SBSPON: variants seen among roughly 807,000 people sequenced by gnomAD.
SBSPON encodes the protein somatomedin-B and thrombospondin type-1 domain-containing protein.
Under a neutral mutation model 35.8 loss-of-function variants are expected in SBSPON, and 30 were observed. That is an observed-to-expected ratio of 0.84 (90% confidence interval 0.63 to 1.14). The LOEUF is 1.14. Ranked by LOEUF, SBSPON falls within the 50% of genes most tolerant of loss-of-function variation. The pLI, the probability that SBSPON is intolerant of heterozygous loss-of-function variation, is 0.00. For synonymous variants in SBSPON, 136 were observed against 135.9 expected (o/e 1.00, Z 0.00); for missense variants, 364 against 357.7 (o/e 1.02, Z -0.14).
intron 4 of SBSPON, among the ~76,000 whole-genome samples, chr8:73,068,211 T>G (rs1810429676): frequency 6.6e-6 from 1 of 152,182 alleles, no homozygotes; most frequent in Non-Finnish European, 1.5e-5. Context: ...CAAATTAAAT[T>G]ATAAATTCAT....
At chr8:73,084,526 T>G (rs1196728877) in intron 1 of SBSPON, among the ~76,000 whole-genome samples, 1 of 152,092 alleles carries the variant, frequency 6.6e-6, no homozygotes, top group Admixed American at 6.5e-5. Flanking sequence ...CCCGCCCACC[T>G]CTGCTCCAAG....
intron 4 of SBSPON, 68 bp downstream of exon 4, chr8:73,069,737 G>T: frequency 7.6e-7 from 1 of 1,313,124 alleles, no homozygotes; most frequent in Non-Finnish European, 1.1e-6. Context: ...CAGCTGTCTG[G>T]ACATGGAGAG....
chr8:73,065,448 AT>A lies in SBSPON; in HGVS notation c.*1892del, dbSNP rs778270498. 6.6e-6 allele frequency: 1 copy of A among 152,130 alleles called. No homozygotes were observed. The highest frequency in any genetic ancestry group is 1.5e-5 in the Non-Finnish European group (1 of 68,022). 9.4% of individuals were successfully genotyped at this position (152,130 alleles called of 1,614,324 possible). ...TCAAACAAATATAGAGCTTTTATAAATGTGAACAAAAAGTTTATTTACTAGT... is the reference window on the plus strand; with the variant it reads ...TCAAACAAATATAGAGCTTTTATAAAGTGAACAAAAAGTTTATTTACTAGT... On this transcript the variant is annotated 3_prime_UTR_variant, in exon 5 of 5. Coordinates refer to ENST00000297354, the MANE Select transcript of SBSPON (RefSeq NM_153225.4).
In SBSPON at chr8:73,069,846, A is replaced by G; in HGVS notation, c.636T>C (p.Ser212=). 1.7e-5 allele frequency: 28 copies of G among 1,614,160 alleles called. No homozygotes were observed. The highest frequency in any genetic ancestry group is 2.2e-5 in the Non-Finnish European group (26 of 1,179,966). ...CATCTCCAGAACAACGAAGGCTCACAGAGTTCATAGCTGGAGGCTGACAAT... is the reference window on the plus strand; with the variant it reads ...CATCTCCAGAACAACGAAGGCTCACGGAGTTCATAGCTGGAGGCTGACAAT... The part of the protein sequence containing the change: ...CVDCQPPAMN[S]VSLRCSGDGL... The change falls in exon 4 of 5, where the codon TCT becomes TCC. Residue 212 remains serine, a synonymous_variant. Transcript: ENST00000297354.
chr8:73,091,547 A>G (rs1476917238), intron 1 of SBSPON, among the ~76,000 whole-genome samples: 1 of 152,152 alleles, frequency 6.6e-6, no homozygotes, highest in Non-Finnish European at 1.5e-5. Flanking sequence ...TGAGTTATGC[A>G]GGGAAATGAG....
chr8:73,092,217 T>C (rs1810948674), intron 1 of SBSPON, among the ~76,000 whole-genome samples: 1 of 152,212 alleles, frequency 6.6e-6, no homozygotes, highest in Admixed American at 6.5e-5. Context: ...GATAAAATCC[T>C]TGTCATGCTG....
intron 2 of SBSPON, among the ~76,000 whole-genome samples, chr8:73,080,817 G>A (rs1340094133): frequency 2.0e-5 from 3 of 152,170 alleles, no homozygotes; most frequent in Non-Finnish European, 2.9e-5. Flanking sequence ...GGGAAGTGAG[G>A]GAAAGGGAGG....
chr8:73,075,410 C>T (rs1810575226), intron 2 of SBSPON, among the ~76,000 whole-genome samples: 2 of 152,208 alleles, frequency 1.3e-5, no homozygotes, highest in Non-Finnish European at 2.9e-5. Context: ...AATGAAATAA[C>T]TTAGAAATTA....
At position 73,067,305 on chromosome 8, in the gene SBSPON, G is replaced by T; in HGVS notation, c.*36C>A. ...AACATGACTTGAGAATATTTAGAAT[G>T]TTTACAAATGCATTTGGAAATATTT... is the stretch of plus-strand genomic sequence containing the variant. On this transcript the variant is annotated 3_prime_UTR_variant, in exon 5 of 5. Coordinates refer to ENST00000297354, the MANE Select transcript of SBSPON (RefSeq NM_153225.4). 1 of 1,202,640 alleles carries T rather than the reference G, an allele frequency of 8.3e-7. No individual in the cohort carries two copies. The highest frequency in any genetic ancestry group is 1.2e-6 in the Non-Finnish European group (1 of 807,632). 74.5% of individuals were successfully genotyped at this position (1,202,640 alleles called of 1,614,324 possible).
intron 1 of SBSPON, among the ~76,000 whole-genome samples, chr8:73,089,101 G>A (rs1652429704): frequency 6.6e-6 from 1 of 152,192 alleles, no homozygotes; most frequent in South Asian, 2.1e-4. Flanking sequence ...TAATATTTTT[G>A]AGGCAAAATA....
chr8:73,076,412 C>T (rs1586093233), intron 2 of SBSPON, among the ~76,000 whole-genome samples: 2 of 152,164 alleles, frequency 1.3e-5, no homozygotes, highest in African/African-American at 2.4e-5. Flanking sequence ...TCCAGGTGGA[C>T]CCAATGTAAT....
In SBSPON at chr8:73,066,643, G is replaced by C. The variant is rs1810391738; in HGVS notation, c.*698C>G. The C allele has an allele frequency of 6.6e-6, 1 of 152,054 alleles. No homozygotes were observed. The highest frequency in any genetic ancestry group is 1.5e-5 in the Non-Finnish European group (1 of 68,002). 9.4% of individuals were successfully genotyped at this position (152,054 alleles called of 1,614,324 possible). On this transcript the variant is annotated 3_prime_UTR_variant, in exon 5 of 5. Coordinates refer to ENST00000297354, the MANE Select transcript of SBSPON (RefSeq NM_153225.4). ...GAAAGCAATTGTTTCATTCACTGGT[G>C]TCAACATTTCTTTTCATGAAAATTA...
intron 2 of SBSPON, among the ~76,000 whole-genome samples, chr8:73,076,720 G>A (rs1383626688): frequency 2.6e-5 from 4 of 151,966 alleles, no homozygotes; most frequent in Non-Finnish European, 5.9e-5. Flanking sequence ...TAGCTATGAG[G>A]ATGGAGGACG....
intron 2 of SBSPON, among the ~76,000 whole-genome samples, chr8:73,078,446 T>C (rs1810634596): frequency 6.6e-6 from 1 of 152,168 alleles, no homozygotes; most frequent in South Asian, 2.1e-4. Flanking sequence ...AAGGAGGCTG[T>C]TCAGTACAGA....
chr8:73,069,747 G>A, intron 4 of SBSPON, 58 bp downstream of exon 4: 4 of 1,407,654 alleles, frequency 2.8e-6, no homozygotes, highest in Non-Finnish European at 4.0e-6. Flanking sequence ...GACATGGAGA[G>A]GACAGATTTC....
In SBSPON at chr8:73,092,839, G is replaced by C; in HGVS notation, c.214+15C>G. On this transcript the variant is annotated intron_variant, in intron 1 of 4. Coordinates refer to ENST00000297354, the MANE Select transcript of SBSPON (RefSeq NM_153225.4). ...GGCTAACGGCCGGCGCCCCACTCTC[G>C]GCCTGACCACCCACCTGGGCACGCC... 2 of 1,604,778 alleles carry C rather than the reference G, an allele frequency of 1.2e-6. No homozygotes were observed. Among genetic ancestry groups the C allele is most frequent in the African/African-American group, 1.3e-5 (1 of 74,540 alleles).
intron 1 of SBSPON, among the ~76,000 whole-genome samples, chr8:73,082,693 G>A (rs185410782): frequency 2.7e-4 from 41 of 152,278 alleles, no homozygotes; most frequent in African/African-American, 9.1e-4. Context: ...GTCACTTCCT[G>A]CTTTTGTTGG....
chr8:73,093,026 C>A lies in SBSPON; in HGVS notation c.42G>T (p.Leu14=). The A allele has an allele frequency of 7.2e-7, 1 of 1,392,218 alleles. No individual in the cohort carries two copies. The highest frequency in any genetic ancestry group is 9.3e-7 in the Non-Finnish European group (1 of 1,079,558). The allele number at this position is 1,392,218 out of a possible 1,614,324, so 86.2% of individuals were successfully genotyped here. The change falls in exon 1 of 5, where the codon CTG becomes CTT. Residue 14 remains leucine (L), a synonymous_variant. Coordinates refer to ENST00000297354, the MANE Select transcript of SBSPON (RefSeq NM_153225.4). The part of the protein sequence containing the change: ...LWMALCALSR[L]WPGAQAGCAE... ...CGCAGCCGGCCTGGGCCCCGGGCCACAGCCGCGACAGCGCGCACAGCGCCA... is the reference window on the plus strand; with the variant it reads ...CGCAGCCGGCCTGGGCCCCGGGCCAAAGCCGCGACAGCGCGCACAGCGCCA...
intron 1 of SBSPON, among the ~76,000 whole-genome samples, chr8:73,087,028 T>C (rs1810840914): frequency 1.3e-5 from 2 of 152,158 alleles, no homozygotes; most frequent in African/African-American, 4.8e-5. Context: ...AGTAGCATCA[T>C]GATAGCCATT....
Sources: allele counts gnomAD v4.1 joint callset (sites outside exome capture counted in the v4.1 genomes callset), GRCh38; gene constraint gnomAD v4.1.1; transcripts MANE v1.5; gene names NCBI Gene and HGNC (gene_info 2026-07-23, HGNC 2026-07-21).